Variants in LEMD1 observed in about 807,000 individuals in gnomAD.
The protein encoded by LEMD1 is LEM domain-containing protein 1.
LEMD1 carries 18 observed loss-of-function variants against 17.4 expected under a neutral mutation model. That is an observed-to-expected ratio of 1.04 (90% CI 0.72 to 1.54). LEMD1 has a LOEUF of 1.54. LEMD1 is among the 40% of genes most tolerant of loss of function. The probability of loss-of-function intolerance (pLI) is 0.00; values close to 1 mark genes in which losing one functional copy is unlikely to be tolerated. For missense variants in LEMD1, 195 were observed against 210.4 expected, an observed-to-expected ratio of 0.93 and a Z score of 0.45; for synonymous variants, 88 against 77.8, an observed-to-expected ratio of 1.13 and a Z score of -0.69.
At chr1:205,437,673 C>G (rs1056073817) in intron 1 of LEMD1, 1 of 152,240 alleles carries the variant, frequency 6.6e-6, no homozygotes, top group African/African-American at 2.4e-5. Context: ...AACCCTATGC[C>G]CCACTGAGGC....
At chr1:205,401,842 C>T (rs1370361328) in intron 4 of LEMD1, among the ~76,000 whole-genome samples, 6 of 152,034 alleles carry the variant, frequency 3.9e-5, no homozygotes, top group East Asian at 1.9e-4. Context: ...TTAGGTCTAA[C>T]GTTTAAGTCT....
At chr1:205,431,140 T>TACACACTATTACACAC (rs1442801981) in intron 1 of LEMD1, among the ~76,000 whole-genome samples, 1 of 152,212 alleles carries the variant, frequency 6.6e-6, no homozygotes, top group Non-Finnish European at 1.5e-5. Context: ...TACACACTAT[T>TACACACTATTACACAC]TCTTGTCTAT....
Position 205,435,355 on chromosome 1 carries a change from CAG to C in LEMD1, c.-39+14511_-39+14512del, listed in dbSNP as rs1378283109. The C allele has an allele frequency of 1.3e-5, 2 of 152,162 alleles. 1 individual carries two copies. The highest frequency in any genetic ancestry group is 1.3e-4 in the Admixed American group (2 of 15,274). The allele number at this position is 152,162 out of a possible 1,614,324, so 9.4% of individuals were successfully genotyped here. On this transcript the variant is annotated intron_variant, in intron 1 of 3. Transcript: ENST00000367154. The stretch of plus-strand genomic sequence containing the variant: ...TAGAAGCTGGGCCAGAGGGAACAGA[CAG>C]AGAAAGAACAGAAATCCTTTCATTA...
At chr1:205,403,548 T>A (rs1441964824) in intron 4 of LEMD1, among the ~76,000 whole-genome samples, 3 of 151,994 alleles carry the variant, frequency 2.0e-5, no homozygotes, top group African/African-American at 7.2e-5. Flanking sequence ...GGTGGTGATA[T>A]CCCCTTTATC....
intron 4 of LEMD1, among the ~76,000 whole-genome samples, chr1:205,391,448 C>G (rs1664328598): frequency 6.6e-6 from 1 of 151,972 alleles, no homozygotes; most frequent in South Asian, 2.1e-4. Flanking sequence ...TGAAAAAAAG[C>G]TCCCGGAAAA....
intron 4 of LEMD1, among the ~76,000 whole-genome samples, chr1:205,401,331 T>C (rs960154719): frequency 4.6e-5 from 7 of 152,248 alleles, no homozygotes; most frequent in Admixed American, 1.3e-4. Context: ...AAAGTGTTCC[T>C]ATTTCTCCAC....
chr1:205,427,263 G>A (rs558873938), intron 1 of LEMD1, among the ~76,000 whole-genome samples: 4 of 151,912 alleles, frequency 2.6e-5, no homozygotes, highest in South Asian at 2.1e-4. Flanking sequence ...CACAGTAAGC[G>A]CTCACAAGTG....
At chr1:205,425,424 C>T (rs534500618), upstream of LEMD1, among the ~76,000 whole-genome samples, 293 of 152,230 alleles carry the variant, frequency 1.9e-3, 1 homozygote, top group Non-Finnish European at 2.7e-3. Context: ...TTAAGCTGAG[C>T]AGCAGGAGGA....
chr1:205,439,977 G>A (rs1666266296), intron 1 of LEMD1, among the ~76,000 whole-genome samples: 1 of 152,030 alleles, frequency 6.6e-6, no homozygotes, highest in Non-Finnish European at 1.5e-5. Flanking sequence ...GGGGGATGAG[G>A]GAAAAAGTCG....
chr1:205,431,350 C>A (rs1328847305), intron 1 of LEMD1, among the ~76,000 whole-genome samples: 2 of 152,234 alleles, frequency 1.3e-5, no homozygotes, highest in Admixed American at 6.5e-5. Context: ...TTTCAACGAA[C>A]CTTCCAGTTA....
At chr1:205,420,225 G>T (rs1450496436) in intron 2 of LEMD1, among the ~76,000 whole-genome samples, 1 of 152,160 alleles carries the variant, frequency 6.6e-6, no homozygotes, top group Non-Finnish European at 1.5e-5. Context: ...GGCTCAGGCA[G>T]GAGAATCGCT....
At chr1:205,388,258 C>T (rs981977091) in intron 4 of LEMD1, among the ~76,000 whole-genome samples, 8 of 151,384 alleles carry the variant, frequency 5.3e-5, no homozygotes, top group East Asian at 1.9e-4. Context: ...CGTGCAGTGG[C>T]GTGATCTCGG....
intron 1 of LEMD1, chr1:205,436,896 T>C (rs1284822299): frequency 6.6e-6 from 1 of 152,282 alleles, no homozygotes; most frequent in Non-Finnish European, 1.5e-5. Context: ...ATCTGATAAG[T>C]GTGCCCTTTA....
At chr1:205,433,588 A>T (rs1291444302) in intron 1 of LEMD1, among the ~76,000 whole-genome samples, 6 of 152,150 alleles carry the variant, frequency 3.9e-5, no homozygotes, top group African/African-American at 7.2e-5. Context: ...GATAGAACAG[A>T]TTCAGTCAAC....
intron 4 of LEMD1, among the ~76,000 whole-genome samples, chr1:205,393,921 T>A (rs1054521920): frequency 1.3e-5 from 2 of 150,886 alleles, no homozygotes; most frequent in Admixed American, 6.6e-5. Flanking sequence ...ATAGTGGCAC[T>A]GTTCACAACA....
upstream of LEMD1, among the ~76,000 whole-genome samples, chr1:205,422,554 G>A (rs751785591): frequency 3.9e-5 from 6 of 152,122 alleles, no homozygotes; most frequent in South Asian, 2.1e-4. Context: ...AAGCATGTTC[G>A]TATCATCTCA....
At chr1:205,431,651 G>C (rs1249157095) in intron 1 of LEMD1, among the ~76,000 whole-genome samples, 2 of 152,192 alleles carry the variant, frequency 1.3e-5, no homozygotes, top group African/African-American at 2.4e-5. Flanking sequence ...TCGCATGTCT[G>C]TCTGGTCACC....
chr1:205,395,953 A>T (rs1170405537), intron 4 of LEMD1, among the ~76,000 whole-genome samples: 1 of 152,202 alleles, frequency 6.6e-6, no homozygotes, highest in African/African-American at 2.4e-5. Flanking sequence ...CACCCACCAC[A>T]CTGACAAAAA....
rs556091225 is a variant in LEMD1 at position 205,433,317 on chromosome 1, C to T, written c.-38-12743G>A. ...ACTAAAAATACAAAAATTAGTGAGGCGTGGTGGCGGGTGCCTGTAATCCCA... is the reference window on the plus strand; with the variant it reads ...ACTAAAAATACAAAAATTAGTGAGGTGTGGTGGCGGGTGCCTGTAATCCCA... On this transcript the variant is annotated intron_variant, in intron 1 of 3. Transcript: ENST00000367154. Among the ~76,000 whole-genome samples the T allele has an allele frequency of 5.9e-5, 9 of 152,134 alleles. No homozygotes were observed. The East Asian group carries it at 1.4e-3, about 23-fold the overall frequency.
Sources: gnomAD v4.1 joint callset for allele counts (sites outside exome capture counted in the v4.1 genomes callset) on GRCh38, gnomAD v4.1.1 for gene constraint, MANE v1.5 for transcripts, NCBI Gene and HGNC (gene_info 2026-07-23, HGNC 2026-07-21) for gene names.